The following PCDHA6 variants were observed in gnomAD, a reference collection of about 807,000 sequenced individuals.
PCDHA6 encodes protocadherin alpha 6, also known as protocadherin alpha-6.
A neutral mutation model predicts 60.3 loss-of-function variants in PCDHA6; 55 were observed. That is an observed-to-expected ratio of 0.91 (90% CI 0.73 to 1.14). The LOEUF (loss-of-function observed/expected upper bound fraction) is 1.14. PCDHA6 is among the 50% of genes most tolerant of loss of function. PCDHA6 has a pLI of 0.00. For missense variants in PCDHA6, 1,327 were observed against 1,256.5 expected, an observed-to-expected ratio of 1.06 and a Z score of -0.85; for synonymous variants, 652 against 557.9, an observed-to-expected ratio of 1.17 and a Z score of -2.38.
rs782778779 is a variant in PCDHA6, at chr5:140,858,081, C to T, written c.2394+27596C>T. ...GAGGGCAGCCAGGCACCCAAGGCCT[C>T]GTCGCGGGCTTCAGTGGGCGTGGCG... On this transcript the variant is annotated intron_variant, in intron 1 of 3. Transcript: ENST00000529310. The T allele has an allele frequency of 6.9e-6, 11 of 1,597,646 alleles. 3 individuals are homozygous for T. The highest frequency in any genetic ancestry group is 1.7e-5 in the Admixed American group (1 of 59,270).
chr5:140,966,543 A>G lies in PCDHA6; in HGVS notation c.2395-12406A>G, dbSNP rs200134570. 641 of 461,190 alleles carry G rather than the reference A, an allele frequency of 1.4e-3. 4 individuals carry two copies. The highest frequency in any genetic ancestry group is 0.011 in the African/African-American group (555 of 49,108). The allele number at this position is 461,190 out of a possible 1,614,324, so 28.6% of individuals were successfully genotyped here. ...AGCCGAGCCGGGTTGAGCGACTCGGAGGCGAGCGGAGGAGCTGGAATATGG... is the reference window on the plus strand; with the variant it reads ...AGCCGAGCCGGGTTGAGCGACTCGGGGGCGAGCGGAGGAGCTGGAATATGG... On this transcript the variant is annotated intron_variant, in intron 1 of 3. Coordinates refer to ENST00000529310, the MANE Select transcript of PCDHA6 (RefSeq NM_018909.4).
At position 140,857,343 on chromosome 5, in the gene PCDHA6, C is replaced by T. The variant is rs565903992; in HGVS notation, c.2394+26858C>T. 68 of 1,598,512 alleles carry T rather than the reference C, an allele frequency of 4.3e-5. 8 individuals carry two copies. The South Asian group carries it at 4.3e-4, about 10-fold the overall frequency. On this transcript the variant is annotated intron_variant, in intron 1 of 3. Coordinates refer to ENST00000529310, the MANE Select transcript of PCDHA6 (RefSeq NM_018909.4). ...GTGACCGCGCGGGACGGGGGCTCGC[C>T]TCCGCTGTGGGCCACGGCCAGCGTG...
chr5:140,877,632 G>A (rs2057247482), intron 1 of PCDHA6: 2 of 1,613,768 alleles, frequency 1.2e-6, no homozygotes, highest in East Asian at 4.5e-5. Context: ...TGTACACTGC[G>A]CTGCGTTGCT....
chr5:140,895,920 C>T (rs1347672044), intron 1 of PCDHA6, among the ~76,000 whole-genome samples: 1 of 152,202 alleles, frequency 6.6e-6, no homozygotes, highest in African/African-American at 2.4e-5. Flanking sequence ...CAACAATTAT[C>T]CTGCCTCAGC....
At chr5:140,888,557 T>G (rs2153424359) in intron 1 of PCDHA6, among the ~76,000 whole-genome samples, 1 of 152,366 alleles carries the variant, frequency 6.6e-6, no homozygotes, top group East Asian at 1.9e-4. Flanking sequence ...TTTATTCCTT[T>G]CAAGGCTTCA....
chr5:140,969,074 C>T (rs782163688), intron 1 of PCDHA6: 3 of 1,614,142 alleles, frequency 1.9e-6, no homozygotes, highest in Non-Finnish European at 2.5e-6. Flanking sequence ...CAGGATACCG[C>T]ATGGCCTCAA....
intron 1 of PCDHA6, chr5:140,848,665 C>A (rs1428126460): frequency 4.4e-6 from 7 of 1,592,108 alleles, no homozygotes; most frequent in Non-Finnish European, 5.2e-6. Flanking sequence ...CTGGAGCTGG[C>A]GGAGCTGGTG....
chr5:140,843,735 G>A lies in PCDHA6; in HGVS notation c.2394+13250G>A. On this transcript the variant is annotated intron_variant, in intron 1 of 3. Coordinates refer to ENST00000529310, the MANE Select transcript of PCDHA6 (RefSeq NM_018909.4). ...CTCAAAGTAAGTCCATTTAAATTTA[G>A]AACTCATAAATTCTATTTGTGGAAA... The A allele has an allele frequency of 1.9e-6, 3 of 1,548,326 alleles. 1 individual carries two copies. The highest frequency in any genetic ancestry group is 2.7e-6 in the Non-Finnish European group (3 of 1,128,282).
chr5:141,000,839 C>G (rs1194048512), intron 3 of PCDHA6, among the ~76,000 whole-genome samples: 1 of 151,970 alleles, frequency 6.6e-6, no homozygotes, highest in Admixed American at 6.6e-5. Flanking sequence ...TCCAGGAGAT[C>G]CAGTCTGGCA....
chr5:140,829,728 G>A lies in PCDHA6; in HGVS notation c.1637G>A (p.Gly546Asp), dbSNP rs1388921761. The A allele has an allele frequency of 1.2e-6, 2 of 1,613,492 alleles. No individual in the cohort carries two copies. The highest frequency in any genetic ancestry group is 1.7e-6 in the Non-Finnish European group (2 of 1,179,878). ...CGCGACGCGGGCGTGCCGCCTCTGG[G>A]CAGCAACGTGACGCTGCAGGTGTTC... ...SARDAGVPPL[G>D]SNVTLQVFVL... Residue 546 changes from glycine to aspartate, a missense_variant, in exon 1 of 4, where the codon GGC (glycine) becomes GAC (aspartate). Coordinates refer to ENST00000529310, the MANE Select transcript of PCDHA6 (RefSeq NM_018909.4).
chr5:140,993,819 G>A (rs2097583362), intron 3 of PCDHA6, among the ~76,000 whole-genome samples: 1 of 152,142 alleles, frequency 6.6e-6, no homozygotes, highest in Non-Finnish European at 1.5e-5. Context: ...AGGAGCAATA[G>A]GCTATACCAT....
At chr5:140,934,695 T>G (rs155824) in intron 1 of PCDHA6, among the ~76,000 whole-genome samples, 48,210 of 151,950 alleles carry the variant, frequency 0.32, 7,985 homozygotes, top group East Asian at 0.53. Flanking sequence ...ATGAATTGAT[T>G]CCTGGCCATC....
intron 3 of PCDHA6, among the ~76,000 whole-genome samples, chr5:141,003,794 G>A (rs1158199764): frequency 6.6e-6 from 1 of 152,102 alleles, no homozygotes; most frequent in Non-Finnish European, 1.5e-5. Context: ...AAATCCTATT[G>A]GGTTGTAATC....
rs532609088 is a variant in PCDHA6, at chr5:140,890,699, T to A, written c.2394+60214T>A. 2.6e-5 allele frequency among the ~76,000 whole-genome samples: 4 copies of A among 152,312 alleles called. No homozygotes were observed. In the East Asian group the frequency reaches 7.7e-4, roughly 29 times the overall value. On this transcript the variant is annotated intron_variant, in intron 1 of 3. Transcript: ENST00000529310. ...CTCCTTCTGGGAAATGCAGGGACCT[T>A]ACATTTTTAAAATCTTTTTAATCCC... is the stretch of plus-strand genomic sequence containing the variant.
chr5:140,853,643 T>C, intron 1 of PCDHA6: 2 of 988,768 alleles, frequency 2.0e-6, no homozygotes, highest in Non-Finnish European at 2.4e-6. Flanking sequence ...AGACCTAAAT[T>C]GAGCCTGTTC....
At chr5:140,969,608 CAG>C in intron 1 of PCDHA6, 1 of 747,330 alleles carries the variant, frequency 1.3e-6, no homozygotes, top group South Asian at 2.1e-5. Flanking sequence ...TGCTAAAACA[CAG>C]ATTTGTAGAG....
intron 3 of PCDHA6, among the ~76,000 whole-genome samples, chr5:141,008,352 A>T (rs549122044): frequency 6.6e-6 from 1 of 152,204 alleles, no homozygotes; most frequent in Non-Finnish European, 1.5e-5. Flanking sequence ...TTCACGTGTC[A>T]ACCAAAGGAG....
intron 1 of PCDHA6, chr5:140,836,222 G>T: frequency 8.1e-6 from 13 of 1,613,794 alleles, no homozygotes; most frequent in Non-Finnish European, 1.1e-5. Context: ...AGTTGCAACC[G>T]GTGGCGGCCG....
chr5:140,856,715 G>C, intron 1 of PCDHA6: 2 of 1,596,442 alleles, frequency 1.3e-6, no homozygotes, highest in African/African-American at 1.3e-5. Flanking sequence ...TGAATTTACC[G>C]GATCTGTTTC....
Sources: gnomAD v4.1 joint callset for allele counts (sites outside exome capture counted in the v4.1 genomes callset) on GRCh38, gnomAD v4.1.1 for gene constraint, MANE v1.5 for transcripts, NCBI Gene and HGNC (gene_info 2026-07-23, HGNC 2026-07-21) for gene names.